Variants in DGKB observed in about 807,000 individuals in gnomAD.
DGKB encodes the protein diacylglycerol kinase beta.
Under a neutral mutation model 114.3 loss-of-function variants are expected in DGKB, and 67 were observed. That is an observed-to-expected ratio of 0.59 (90% CI 0.48 to 0.72). DGKB has a LOEUF of 0.72. DGKB is among the 30% of genes least tolerant of loss of function. The pLI is 0.00. For missense variants in DGKB, 907 were observed against 975.2 expected (o/e 0.93, Z 0.93); for synonymous variants, 398 against 323.1 (o/e 1.23, Z -2.49).
chr7:14,934,476 TTTTCA>T (rs1251822962), intron 1 of DGKB, among the ~76,000 whole-genome samples: 3 of 152,252 alleles, frequency 2.0e-5, no homozygotes, highest in African/African-American at 7.2e-5. Flanking sequence ...TAAAAATTGG[TTTTCA>T]TTTATTTATT....
chr7:14,154,597 G>A (rs537217522), intron 25 of DGKB, among the ~76,000 whole-genome samples: 2 of 151,972 alleles, frequency 1.3e-5, no homozygotes, highest in South Asian at 4.1e-4. Flanking sequence ...TAGTAATAGA[G>A]TAATAGAGGT....
chr7:14,421,892 A>T (rs1826774149), intron 21 of DGKB, among the ~76,000 whole-genome samples: 1 of 152,032 alleles, frequency 6.6e-6, no homozygotes, highest in East Asian at 1.9e-4. Context: ...TTAAGTGCCA[A>T]TATTAAATAT....
chr7:14,377,949 C>T (rs1310470047), intron 21 of DGKB, among the ~76,000 whole-genome samples: 1 of 152,206 alleles, frequency 6.6e-6, no homozygotes, highest in Non-Finnish European at 1.5e-5. Flanking sequence ...CCTAAAACTT[C>T]TGTCTTTCTA....
At chr7:14,763,898 C>T (rs560334733) in intron 2 of DGKB, among the ~76,000 whole-genome samples, 3 of 151,954 alleles carry the variant, frequency 2.0e-5, no homozygotes, top group African/African-American at 4.8e-5. Flanking sequence ...ATGTTTCCCA[C>T]GTTCAGTAGA....
chr7:14,438,520 C>G (rs1001304530), intron 21 of DGKB, among the ~76,000 whole-genome samples: 1 of 152,012 alleles, frequency 6.6e-6, no homozygotes, highest in Non-Finnish European at 1.5e-5. Context: ...GCCCAAAGCC[C>G]CTATACAGTT....
chr7:14,771,812 T>C (rs1837454287), intron 2 of DGKB, among the ~76,000 whole-genome samples: 1 of 152,090 alleles, frequency 6.6e-6, no homozygotes, highest in Non-Finnish European at 1.5e-5. Context: ...TTCCTTTCTT[T>C]CCAGATCCAG....
rs575848014 is a variant in DGKB at position 14,658,482 on chromosome 7, A to G, written c.1134+14447T>C. On this transcript the variant is annotated intron_variant, in intron 13 of 25. Transcript: ENST00000402815. ...TTAATGGATACAAACACGAGGTTAG[A>G]TAGAAGAAATAAATTTTAATGTTCA... 2.8e-3 allele frequency among the ~76,000 whole-genome samples: 429 copies of G among 152,016 alleles called. 3 individuals carry two copies. The highest frequency in any genetic ancestry group is 0.01 in the African/African-American group (418 of 41,508).
chr7:14,508,878 T>A (rs1216598405), intron 20 of DGKB, among the ~76,000 whole-genome samples: 1 of 152,216 alleles, frequency 6.6e-6, no homozygotes, highest in Non-Finnish European at 1.5e-5. Flanking sequence ...TTCATTTATA[T>A]AAGCATTTTC....
At chr7:14,557,704 ATT>A (rs1221257708) in intron 20 of DGKB, among the ~76,000 whole-genome samples, 1 of 151,648 alleles carries the variant, frequency 6.6e-6, no homozygotes, top group Non-Finnish European at 1.5e-5. Flanking sequence ...TACTTTTTCC[ATT>A]TTTATTTCCA....
At chr7:14,208,679 C>T (rs779476127) in intron 23 of DGKB, among the ~76,000 whole-genome samples, 19 of 151,934 alleles carry the variant, frequency 1.3e-4, no homozygotes, top group Middle Eastern at 6.8e-3. Flanking sequence ...TTAAAGGAAC[C>T]GGCTTTATTG....
chr7:14,503,609 T>C (rs1786552800), intron 20 of DGKB, among the ~76,000 whole-genome samples: 1 of 152,146 alleles, frequency 6.6e-6, no homozygotes, highest in Non-Finnish European at 1.5e-5. Context: ...TTTCAACAAA[T>C]AGTATAAATA....
At chr7:14,556,193 T>A (rs902181348) in intron 20 of DGKB, among the ~76,000 whole-genome samples, 10 of 152,218 alleles carry the variant, frequency 6.6e-5, no homozygotes, top group Non-Finnish European at 1.2e-4. Context: ...TTTCCTCATA[T>A]ATGCTGAGTG....
At chr7:14,807,381 C>A (rs181774232) in intron 2 of DGKB, among the ~76,000 whole-genome samples, 29 of 151,854 alleles carry the variant, frequency 1.9e-4, no homozygotes, top group African/African-American at 6.7e-4. Context: ...CACAAATTTC[C>A]ATAGATATAT....
intron 23 of DGKB, among the ~76,000 whole-genome samples, chr7:14,323,991 A>C (rs1808284268): frequency 1.3e-5 from 2 of 152,330 alleles, no homozygotes; most frequent in Middle Eastern, 3.4e-3. Flanking sequence ...TCTAGAGAAA[A>C]TGTTTTGTCC....
intron 20 of DGKB, among the ~76,000 whole-genome samples, chr7:14,479,482 G>C (rs1335178709): frequency 6.6e-6 from 1 of 151,994 alleles, no homozygotes; most frequent in Non-Finnish European, 1.5e-5. Context: ...TATAGATAGA[G>C]GTGTATAGAA....
intron 20 of DGKB, among the ~76,000 whole-genome samples, chr7:14,567,028 G>T (rs1797492287): frequency 7.4e-6 from 1 of 136,010 alleles, no homozygotes. Flanking sequence ...ATATCTCCTT[G>T]CATCATTAAA....
At chr7:14,969,641 C>A (rs1051641660) in intron 1 of DGKB, among the ~76,000 whole-genome samples, 3 of 152,090 alleles carry the variant, frequency 2.0e-5, no homozygotes, top group African/African-American at 7.2e-5. Flanking sequence ...GTTGTGTGCT[C>A]GTTATGAGAG....
chr7:14,734,940 G>A (rs1347421201), intron 5 of DGKB, among the ~76,000 whole-genome samples: 1 of 152,150 alleles, frequency 6.6e-6, no homozygotes, highest in Non-Finnish European at 1.5e-5. Flanking sequence ...GAAGGCACAG[G>A]GGTTGGGGCG....
intron 20 of DGKB, among the ~76,000 whole-genome samples, chr7:14,535,588 T>C (rs1340351552): frequency 6.6e-6 from 1 of 152,108 alleles, no homozygotes; most frequent in East Asian, 1.9e-4. Flanking sequence ...TTTTTATTTA[T>C]TTTTTAAAAT....
Sources: gnomAD v4.1 joint callset for allele counts (sites outside exome capture counted in the v4.1 genomes callset) on GRCh38, gnomAD v4.1.1 for gene constraint, MANE v1.5 for transcripts, NCBI Gene and HGNC (gene_info 2026-07-23, HGNC 2026-07-21) for gene names.